Variants in SAMD11 observed in about 807,000 individuals in gnomAD.
SAMD11 encodes the protein sterile alpha motif domain-containing protein 11.
In SAMD11, 77 loss-of-function variants were observed where a neutral mutation model predicts 64.4. The observed-to-expected ratio is 1.20, with a 90% CI of 0.99 to 1.44. The LOEUF is 1.44. Among genes scored for constraint, SAMD11 ranks in the 40% most tolerant of loss-of-function variants. The pLI is 0.00. For missense variants in SAMD11, 1,402 were observed against 943.3 expected (o/e 1.49, Z -6.37); for synonymous variants, 658 against 421.9 (o/e 1.56, Z -6.86).
chr1:933,481 C>T (rs111819742), intron 4 of SAMD11, among the ~76,000 whole-genome samples: 5,087 of 152,236 alleles, frequency 0.033, 266 homozygotes, highest in African/African-American at 0.11. Context: ...GGGCTCACTG[C>T]CAGCCCCCAA....
chr1:938,694 A>G (rs1201123750), intron 5 of SAMD11, among the ~76,000 whole-genome samples: 1 of 152,200 alleles, frequency 6.6e-6, no homozygotes, highest in Admixed American at 6.5e-5. Flanking sequence ...GTGCCTGGTC[A>G]AACCAAAAGC....
At chr1:943,655 G>A (rs759236113) in intron 12 of SAMD11, 43 bp from the exon 13 acceptor site, 27 of 1,485,628 alleles carry the variant, frequency 1.8e-5, no homozygotes, top group Admixed American at 4.8e-5. Flanking sequence ...CTGGAGGATG[G>A]AGCAGCACCC....
intron 2 of SAMD11, 151 bp from the exon 3 acceptor site, chr1:930,004 G>A (rs1308265720): frequency 7.9e-6 from 7 of 890,382 alleles, no homozygotes; most frequent in Non-Finnish European, 1.2e-5. Context: ...TGCTCTGAGG[G>A]CACCTCTGCC....
rs1641976188 is a variant in SAMD11, at chr1:943,786, C to T, written c.2267C>T (p.Pro756Leu). 1.9e-6 allele frequency: 3 copies of T among 1,612,668 alleles called. No individual in the cohort carries two copies. Among genetic ancestry groups the T allele is most frequent in the Non-Finnish European group, 2.5e-6 (3 of 1,179,952 alleles). The change falls in exon 13 of 14, where the codon CCC becomes CTC. Residue 756 changes from proline to leucine, a missense_variant. Coordinates refer to ENST00000616016, the MANE Select transcript of SAMD11 (RefSeq NM_001385641.1). Reference protein sequence around the residue: ...LLTNMGLKLGPALKIRAQVAR... With the variant: ...LLTNMGLKLGLALKIRAQVAR... ...ACCAACATGGGGCTGAAGCTGGGGC[C>T]CGCCCTCAAGATCCGGGCCCAGGTG...
At position 943,818 on chromosome 1, in the gene SAMD11, TG is replaced by T; in HGVS notation, c.2289+14del. 1.2e-6 allele frequency: 2 copies of T among 1,612,822 alleles called. No individual in the cohort carries two copies. The highest frequency in any genetic ancestry group is 1.7e-6 in the Non-Finnish European group (2 of 1,179,938). The stretch of plus-strand genomic sequence containing the variant: ...CAAGATCCGGGCCCAGGTGAGACGC[TG>T]GGGAGTGAGGTCAGGGTCTCCAGAC... On this transcript the variant is annotated intron_variant, in intron 13 of 13. Transcript: ENST00000616016.
chr1:926,994 G>C (rs923701948), intron 2 of SAMD11, among the ~76,000 whole-genome samples: 2 of 152,090 alleles, frequency 1.3e-5, no homozygotes, highest in African/African-American at 4.8e-5. Flanking sequence ...TGAGCCATGA[G>C]TGCCGTAGCC....
intron 2 of SAMD11, among the ~76,000 whole-genome samples, chr1:928,065 C>T (rs1237655349): frequency 6.6e-6 from 1 of 152,246 alleles, no homozygotes; most frequent in African/African-American, 2.4e-5. Context: ...AGACAAGAAG[C>T]AGAGAGCAAA....
chr1:937,327 T>C (rs928446913), intron 5 of SAMD11, among the ~76,000 whole-genome samples: 1 of 151,606 alleles, frequency 6.6e-6, no homozygotes, highest in African/African-American at 2.4e-5. Flanking sequence ...CCCGCTGGGG[T>C]CCATGAGTGA....
At chr1:940,296 G>GCCCCCCCCCCCCCCCCCCCC (rs552305601) in intron 7 of SAMD11, 5 of 131,492 alleles carry the variant, frequency 3.8e-5, no homozygotes, top group Admixed American at 3.2e-4. Flanking sequence ...CCGCGCCGCC[G>GCCCCCCCCCCCCCCCCCCCC]CCCCCCCCCC....
At chr1:937,855 T>C (rs1439692606) in intron 5 of SAMD11, among the ~76,000 whole-genome samples, 1 of 152,220 alleles carries the variant, frequency 6.6e-6, no homozygotes, top group Non-Finnish European at 1.5e-5. Flanking sequence ...TAATGTGGGA[T>C]TGATCGGTGT....
At chr1:935,622 CG>C (rs1641391333) in intron 4 of SAMD11, 149 bp from the exon 5 acceptor site, 3 of 1,065,550 alleles carry the variant, frequency 2.8e-6, no homozygotes, top group African/African-American at 3.1e-5. Context: ...AGTGGCGTCA[CG>C]GGCCACATGC....
intron 3 of SAMD11, 72 bp downstream of exon 3, chr1:930,408 C>A: frequency 4.1e-6 from 6 of 1,462,028 alleles, no homozygotes; most frequent in Non-Finnish European, 5.5e-6. Context: ...TTCAGCTGCT[C>A]AGATGAGAGT....
Position 943,011 on chromosome 1 carries a change from C to T in SAMD11, c.2006C>T (p.Thr669Ile), listed in dbSNP as rs1641887932. 1 of 1,539,476 alleles carries T rather than the reference C, an allele frequency of 6.5e-7. No homozygotes were observed. The highest frequency in any genetic ancestry group is 8.7e-7 in the Non-Finnish European group (1 of 1,146,444). The change falls in exon 11 of 14, where the codon ACA becomes ATA. Residue 669 changes from threonine to isoleucine, a missense_variant. Thr to Ile is a moderately conservative substitution (Grantham distance 89). Transcript: ENST00000616016. ...GGGAAGGGGCTTTTCCCAGGGTCCA[C>T]ACTGCCCCTGGGCTTCCCTTATGCC... ...AEGKGLFPGS[T>I]LPLGFPYAVS... is the part of the protein sequence containing the mutation.
In SAMD11 at chr1:944,249, G is replaced by A. The variant is rs1453678370; in HGVS notation, c.*96G>A. The stretch of plus-strand genomic sequence containing the variant: ...CCACCGCTTTATTTCTTTCGGTTTC[G>A]GATGCAAAACAAAAAATTTTAAAAG... On this transcript the variant is annotated 3_prime_UTR_variant, in exon 14 of 14. Coordinates refer to ENST00000616016, the MANE Select transcript of SAMD11 (RefSeq NM_001385641.1). 2.0e-5 allele frequency: 29 copies of A among 1,453,256 alleles called. No individual in the cohort carries two copies. Among genetic ancestry groups the A allele is most frequent in the East Asian group, 7.5e-5 (3 of 40,228 alleles). The allele number at this position is 1,453,256 out of a possible 1,614,324, so 90.0% of individuals were successfully genotyped here.
chr1:935,178 C>T (rs1230194092), intron 4 of SAMD11, among the ~76,000 whole-genome samples: 1 of 152,092 alleles, frequency 6.6e-6, no homozygotes, highest in African/African-American at 2.4e-5. Context: ...ATGTTGATTC[C>T]AAGCCCCCGC....
intron 5 of SAMD11, among the ~76,000 whole-genome samples, chr1:936,300 G>A (rs1018880183): frequency 1.5e-5 from 2 of 134,830 alleles, no homozygotes; most frequent in Admixed American, 7.5e-5. Context: ...GCTCCTGGAC[G>A]GAGGGGGTCC....
chr1:935,760 C>G lies in SAMD11; in HGVS notation c.843-12C>G. 1 of 1,613,186 alleles carries G rather than the reference C, an allele frequency of 6.2e-7. No homozygotes were observed. ...GCCCACGGGGTCAGCTTTTCCCGGT[C>G]TCGTTCTGCAGCCAGGACGGCAACC... On this transcript the variant is annotated splice_polypyrimidine_tract_variant and intron_variant, in intron 4 of 13. Coordinates refer to ENST00000616016, the MANE Select transcript of SAMD11 (RefSeq NM_001385641.1).
At position 942,551 on chromosome 1, in the gene SAMD11, C is replaced by G; in HGVS notation, c.1554-8C>G. 1 of 1,402,536 alleles carries G rather than the reference C, an allele frequency of 7.1e-7. No individual in the cohort carries two copies. The highest frequency in any genetic ancestry group is 1.6e-5 in the South Asian group (1 of 64,304). The allele number at this position is 1,402,536 out of a possible 1,614,324, so 86.9% of individuals were successfully genotyped here. On this transcript the variant is annotated splice_polypyrimidine_tract_variant and splice_region_variant and intron_variant, in intron 10 of 13. Coordinates refer to ENST00000616016, the MANE Select transcript of SAMD11 (RefSeq NM_001385641.1). The stretch of plus-strand genomic sequence containing the variant: ...GAGGCGGCTGACCCGCGTCTGCCCC[C>G]GGCCCAGGCTGGAGCTGCCCGCCGA...
rs1272220348 is a variant in SAMD11, at chr1:942,862, G to A, written c.1857G>A (p.Trp619Ter). Residue 619 changes from tryptophan (W) to a stop codon, truncating the protein, a stop_gained, in exon 11 of 14, where the codon TGG becomes TGA. Transcript: ENST00000616016. LOFTEE classifies it high-confidence loss of function. ...AGGAGATGACGGGGGCTAGGCTCTG[G>A]GCACAAGATGGCTCGGAAGACGAGC... The part of the protein sequence containing the change: ...ESKEMTGARL[W>*]AQDGSEDEPP... 1.9e-6 allele frequency: 3 copies of A among 1,553,238 alleles called. No homozygotes were observed. The highest frequency in any genetic ancestry group is 1.4e-5 in the African/African-American group (1 of 73,446).
Sources: allele counts gnomAD v4.1 joint callset (sites outside exome capture counted in the v4.1 genomes callset), GRCh38; gene constraint gnomAD v4.1.1; transcripts MANE v1.5; gene names NCBI Gene and HGNC (gene_info 2026-07-23, HGNC 2026-07-21).